WDR33: variants seen among roughly 807,000 people sequenced by gnomAD.
WDR33 encodes the protein WD repeat domain 33, also known as pre-mRNA 3' end processing protein WDR33.
WDR33 carries 47 observed loss-of-function variants against 164.9 expected under a neutral mutation model. That is an observed-to-expected ratio of 0.29 (90% CI 0.23 to 0.36). The LOEUF (loss-of-function observed/expected upper bound fraction) is 0.36, where lower values mean the gene tolerates loss of function less well. Among genes scored for constraint, WDR33 ranks in the 10% least tolerant of loss-of-function variants. WDR33 has a pLI of 1.00. For synonymous variants in WDR33, 505 were observed against 589.0 expected, an observed-to-expected ratio of 0.86 and a Z score of 2.06; for missense variants, 1,137 against 1,754.1, an observed-to-expected ratio of 0.65 and a Z score of 6.28.
chr2:127,703,942 A>G lies in WDR33; in HGVS notation c.*2381T>C, dbSNP rs1685953241. On this transcript the variant is annotated 3_prime_UTR_variant, in exon 22 of 22. Transcript: ENST00000322313. Reference sequence around the variant, plus strand: ...AGACCAGCCTGGGCAACACAGTTAAACCCCATCGCCACAGAAAATCTTCAA... The same window carrying G: ...AGACCAGCCTGGGCAACACAGTTAAGCCCCATCGCCACAGAAAATCTTCAA... 6.0e-6 allele frequency: 1 copy of G among 166,748 alleles called. No individual in the cohort carries two copies. Among genetic ancestry groups the G allele is most frequent in the Non-Finnish European group, 1.5e-5 (1 of 68,104 alleles). 10.3% of individuals were successfully genotyped at this position (166,748 alleles called of 1,614,324 possible).
At chr2:127,775,127 C>T (rs79346274) in intron 1 of WDR33, among the ~76,000 whole-genome samples, 1 of 152,032 alleles carries the variant, frequency 6.6e-6, no homozygotes, top group African/African-American at 2.4e-5. Flanking sequence ...ATGGCTACAA[C>T]AGTGAATTCT....
intron 1 of WDR33, among the ~76,000 whole-genome samples, chr2:127,771,230 A>C (rs72968986): frequency 0.017 from 2,520 of 152,284 alleles, 20 homozygotes; most frequent in East Asian, 0.029. Context: ...AGTTGTACTT[A>C]CACAAACCTA....
In WDR33 at chr2:127,737,972, G is replaced by A. The variant is rs747288405; in HGVS notation, c.725-11195C>T. ...GGTATATTCACAGAAGTTGGTAAAT[G>A]TGGCTCCCTAAACTTTGTCCACCTA... On this transcript the variant is annotated intron_variant, in intron 7 of 21. Coordinates refer to ENST00000322313, the MANE Select transcript of WDR33 (RefSeq NM_018383.5). 1.4e-5 allele frequency: 23 copies of A among 1,606,160 alleles called. No individual in the cohort carries two copies. The Middle Eastern group carries it at 1.2e-3, about 81-fold the overall frequency.
chr2:127,745,816 A>C (rs970743499), intron 7 of WDR33, among the ~76,000 whole-genome samples: 1 of 152,114 alleles, frequency 6.6e-6, no homozygotes, highest in Non-Finnish European at 1.5e-5. Context: ...CTAGAACTCA[A>C]AAAACAGCAC....
At chr2:127,754,697 A>G (rs193105456) in intron 7 of WDR33, among the ~76,000 whole-genome samples, 1 of 150,160 alleles carries the variant, frequency 6.7e-6, no homozygotes, top group East Asian at 2.0e-4. Flanking sequence ...AGCTGGGATT[A>G]CAGGTGTGAG....
Position 127,702,254 on chromosome 2 carries a change from C to A in WDR33, c.*4069G>T. ...ACCGCGCCGGCCGAGCTGAGGACTG[C>A]ACGCCGCTGTGCGGAAGCCCGTGGC... On this transcript the variant is annotated 3_prime_UTR_variant, in exon 22 of 22. Transcript: ENST00000322313. 1 of 1,155,408 alleles carries A rather than the reference C, an allele frequency of 8.7e-7. No homozygotes were observed. The highest frequency in any genetic ancestry group is 1.1e-6 in the Non-Finnish European group (1 of 926,682). The allele number at this position is 1,155,408 out of a possible 1,614,324, so 71.6% of individuals were successfully genotyped here.
chr2:127,771,644 G>A (rs1209938996), intron 1 of WDR33, among the ~76,000 whole-genome samples: 1 of 152,120 alleles, frequency 6.6e-6, no homozygotes, highest in Non-Finnish European at 1.5e-5. Context: ...TGGACATGAT[G>A]GCATGCACCT....
rs777072307 is a variant in WDR33, at chr2:127,713,728, G to C, written c.3163C>G (p.Pro1055Ala). ...WRRGGPGPPFPPDHREFSEGD... is the reference protein window; with the variant it reads ...WRRGGPGPPFAPDHREFSEGD... ...TCGCTGAATTCCCTGTGATCAGGGG[G>C]AAACGGAGGCCCAGGGCCCCCTCGC... Residue 1055 changes from proline to alanine, a missense_variant, in exon 18 of 22, where the codon CCC becomes GCC. By Grantham distance (27) the Pro-to-Ala change is conservative. Transcript: ENST00000322313. The surrounding 1 kb of genome is among the most constrained non-coding windows in gnomAD (Gnocchi z 6.2). 2 of 1,614,224 alleles carry C rather than the reference G, an allele frequency of 1.2e-6. No homozygotes were observed. The highest frequency in any genetic ancestry group is 1.7e-6 in the Non-Finnish European group (2 of 1,180,004).
Position 127,786,863 on chromosome 2 carries a change from T to TTA in WDR33, c.-23-15860_-23-15859insTA, listed in dbSNP as rs1553479882. Among the ~76,000 whole-genome samples the TTA allele has an allele frequency of 6.7e-3, 820 of 122,780 alleles. 12 individuals are homozygous for TTA. The highest frequency in any genetic ancestry group is 0.023 in the African/African-American group (716 of 31,644). The allele number at this position is 122,780 out of a possible 152,430, so 80.5% of individuals were successfully genotyped here. ...TCTGTTCTTTTTTTTTTTTTTTTTT[T>TTA]AATTTATTTTTTTATTGATAATTCT... On this transcript the variant is annotated intron_variant, in intron 1 of 21. Transcript: ENST00000322313.
intron 21 of WDR33, among the ~76,000 whole-genome samples, chr2:127,707,048 T>C (rs1686033292): frequency 6.6e-6 from 1 of 152,092 alleles, no homozygotes; most frequent in Admixed American, 6.5e-5. Context: ...CTTTTCATAA[T>C]TAGTAAAATA....
At chr2:127,737,429 A>G (rs1279699128) in intron 7 of WDR33, 1 of 985,480 alleles carries the variant, frequency 1.0e-6, no homozygotes, top group Non-Finnish European at 1.2e-6. Flanking sequence ...ACATTTCTGC[A>G]GATATTCACA....
At position 127,719,700 on chromosome 2, in the gene WDR33, A is replaced by C; in HGVS notation, c.2325T>G (p.Pro775=). 1 of 1,613,672 alleles carries C rather than the reference A, an allele frequency of 6.2e-7. No individual in the cohort carries two copies. The highest frequency in any genetic ancestry group is 2.2e-5 in the East Asian group (1 of 44,862). ...QGIQGPVSQG[P]LMGLNPRGMQ... is the part of the protein sequence containing the mutation. The stretch of plus-strand genomic sequence containing the variant: ...TTCCTCTTGGATTCAATCCCATCAG[A>C]GGTCCCTGAGACACAGGACCTTGGA... The change falls in exon 16 of 22, where the codon CCT becomes CCG. Residue 775 remains proline (P), a synonymous_variant. Transcript: ENST00000322313. This position sits in a 1 kb window ranked among gnomAD's most constrained non-coding sequence, Gnocchi z 6.5.
chr2:127,725,057 TG>T lies in WDR33; in HGVS notation c.1006+3del, dbSNP rs1686533009. 1 of 1,613,824 alleles carries T rather than the reference TG, an allele frequency of 6.2e-7. No homozygotes were observed. Among genetic ancestry groups the T allele is most frequent in the Non-Finnish European group, 8.5e-7 (1 of 1,179,888 alleles). ...TCAATGAGAAGCATATCACAGCCACTGACCTGTGGCTTCTTTCTTATGACCT... is the reference window on the plus strand; with the variant it reads ...TCAATGAGAAGCATATCACAGCCACTACCTGTGGCTTCTTTCTTATGACCT... On this transcript the variant is annotated splice_donor_region_variant and intron_variant, in intron 9 of 21. Transcript: ENST00000322313.
In WDR33 at chr2:127,805,068, C is replaced by CTTTTTTTTTTTTT. The variant is rs201681607; in HGVS notation, c.-24+5931_-24+5943dup. Among the ~76,000 whole-genome samples, 9 of 84,378 alleles carry CTTTTTTTTTTTTT rather than the reference C, an allele frequency of 1.1e-4. 3 individuals are homozygous for CTTTTTTTTTTTTT. The highest frequency in any genetic ancestry group is 7.4e-4 in the East Asian group (2 of 2,718). 55.4% of individuals were successfully genotyped at this position (84,378 alleles called of 152,430 possible). ...CGTATCATCACCTGTGAAGTTTTTTCTTTTTTTTTTTTTTTTTTTTTTTTT... is the reference window on the plus strand; with the variant it reads ...CGTATCATCACCTGTGAAGTTTTTTCTTTTTTTTTTTTTTTTTTTTTTTTTTTTTTTTTTTTTT... On this transcript the variant is annotated intron_variant, in intron 1 of 21. Transcript: ENST00000322313.
chr2:127,722,060 C>G lies in WDR33; in HGVS notation c.1519-72G>C, dbSNP rs182849561. 392 of 1,532,460 alleles carry G rather than the reference C, an allele frequency of 2.6e-4. 1 individual carries two copies. The African/African-American group carries it at 4.8e-3, about 19-fold the overall frequency. The allele number at this position is 1,532,460 out of a possible 1,614,324, so 94.9% of individuals were successfully genotyped here. A position where few individuals can be genotyped will look rare whatever the true frequency, so the allele number is the denominator to read the frequency against. On this transcript the variant is annotated intron_variant, in intron 14 of 21. Coordinates refer to ENST00000322313, the MANE Select transcript of WDR33 (RefSeq NM_018383.5). This position sits in a 1 kb window ranked among gnomAD's most constrained non-coding sequence, Gnocchi z 5.1. ...ACAATGATAGAATGAGAAAACCACT[C>G]TACAATGTCATCTGCTCAATCTAAC...
At chr2:127,788,704 C>A (rs1351902331) in intron 1 of WDR33, among the ~76,000 whole-genome samples, 5 of 147,376 alleles carry the variant, frequency 3.4e-5, no homozygotes, top group Admixed American at 6.7e-5. Context: ...GGGGGCTGAC[C>A]CCCCCACCTC....
At chr2:127,767,688 C>T (rs557908020) in intron 4 of WDR33, among the ~76,000 whole-genome samples, 87 of 152,166 alleles carry the variant, frequency 5.7e-4, no homozygotes, top group African/African-American at 2.0e-3. Flanking sequence ...GCACTCCAGC[C>T]TGGGTGACCG....
rs565233674 is a variant in WDR33, at chr2:127,754,017, A to G, written c.724+9045T>C. Among the ~76,000 whole-genome samples, 3 of 152,364 alleles carry G rather than the reference A, an allele frequency of 2.0e-5. No individual in the cohort carries two copies. In the South Asian group the frequency reaches 6.2e-4, roughly 32 times the overall value. On this transcript the variant is annotated intron_variant, in intron 7 of 21. Coordinates refer to ENST00000322313, the MANE Select transcript of WDR33 (RefSeq NM_018383.5). ...GAGGTAGTTAGGCAAGTGTATAAAT[A>G]CAAAAAATCCATTATACTGTACATT...
intron 1 of WDR33, among the ~76,000 whole-genome samples, chr2:127,809,428 C>CTTTTTT (rs70985478): frequency 4.4e-4 from 42 of 94,616 alleles, no homozygotes; most frequent in East Asian, 6.8e-4. Context: ...AGCCAAATTC[C>CTTTTTT]TTTTTTTTTT....
Sources: allele counts gnomAD v4.1 joint callset (sites outside exome capture counted in the v4.1 genomes callset), GRCh38; gene constraint gnomAD v4.1.1; non-coding constraint Gnocchi (gnomAD v3.1); transcripts MANE v1.5; gene names NCBI Gene and HGNC (gene_info 2026-07-23, HGNC 2026-07-21).